RCOR1: variants seen among roughly 807,000 people sequenced by gnomAD.
RCOR1 encodes the protein REST corepressor.
In RCOR1, 12 loss-of-function variants were observed where a neutral mutation model predicts 64.0. That is an observed-to-expected ratio of 0.19 (90% confidence interval 0.12 to 0.30). The LOEUF is 0.30. RCOR1 is among the 10% of genes least tolerant of loss of function. RCOR1 has a pLI of 1.00. For synonymous variants in RCOR1, 279 were observed against 227.2 expected (o/e 1.23, Z -2.05); for missense variants, 502 against 621.2 (o/e 0.81, Z 2.04).
At chr14:102,703,211 G>C (rs1289420376) in intron 4 of RCOR1, among the ~76,000 whole-genome samples, 1 of 152,198 alleles carries the variant, frequency 6.6e-6, no homozygotes, top group Admixed American at 6.5e-5. Flanking sequence ...AGAGCCTAAG[G>C]TACCCTAGGG....
intron 2 of RCOR1, among the ~76,000 whole-genome samples, chr14:102,678,940 TG>T (rs1216296502): frequency 6.6e-6 from 1 of 152,218 alleles, no homozygotes; most frequent in Non-Finnish European, 1.5e-5. Context: ...GCGAAGTGAC[TG>T]TTCAAATCTT....
chr14:102,718,275 A>G (rs965199136), intron 8 of RCOR1, among the ~76,000 whole-genome samples: 4 of 152,084 alleles, frequency 2.6e-5, no homozygotes, highest in African/African-American at 4.8e-5. Flanking sequence ...TCAGGGCAGT[A>G]TGAAGAGGAG....
intron 2 of RCOR1, among the ~76,000 whole-genome samples, chr14:102,601,662 A>G (rs1475209351): frequency 6.6e-6 from 1 of 152,196 alleles, no homozygotes; most frequent in Non-Finnish European, 1.5e-5. Flanking sequence ...GTAGATTGTT[A>G]GAAGAGTCTG....
At chr14:102,619,487 T>TATCTAA (rs1567410248) in intron 2 of RCOR1, among the ~76,000 whole-genome samples, 18 of 56,830 alleles carry the variant, frequency 3.2e-4, no homozygotes, top group African/African-American at 1.2e-3. Context: ...TTTTTTTTTT[T>TATCTAA]TTTTTTTTTT....
chr14:102,597,018 GC>G (rs1443713917), intron 2 of RCOR1, among the ~76,000 whole-genome samples: 1 of 151,660 alleles, frequency 6.6e-6, no homozygotes, highest in Non-Finnish European at 1.5e-5. Context: ...AACTACAGGT[GC>G]GTGCCACCAT....
At chr14:102,647,765 G>A (rs1482575664) in intron 2 of RCOR1, among the ~76,000 whole-genome samples, 1 of 152,170 alleles carries the variant, frequency 6.6e-6, no homozygotes, top group South Asian at 2.1e-4. Context: ...TGCAGCCTCC[G>A]CCTCCCGGAT....
rs909664586 is a variant in RCOR1, at chr14:102,727,505, A to T, written c.*999A>T. ...TGCAGATTCTGACAGTGCAGATTTT[A>T]AATGTCAGGATATTAGAATAGCTGG... On this transcript the variant is annotated 3_prime_UTR_variant, in exon 12 of 12. Transcript: ENST00000262241. 6.6e-6 allele frequency: 1 copy of T among 152,326 alleles called. No individual in the cohort carries two copies. Among genetic ancestry groups the T allele is most frequent in the African/African-American group, 2.4e-5 (1 of 41,346 alleles). The allele number at this position is 152,326 out of a possible 1,614,324, so 9.4% of individuals were successfully genotyped here. A position where few individuals can be genotyped will look rare whatever the true frequency, so the allele number is the denominator to read the frequency against.
chr14:102,603,315 AT>A (rs201289257), intron 2 of RCOR1, among the ~76,000 whole-genome samples: 1,541 of 150,746 alleles, frequency 0.01, 16 homozygotes, highest in Admixed American at 0.015. Flanking sequence ...CTTTTTATTT[AT>A]TTTTTATTTG....
rs143950489 is a variant in RCOR1, at chr14:102,664,428, A to G, written c.362-17467A>G. Among the ~76,000 whole-genome samples, 266 of 152,236 alleles carry G rather than the reference A, an allele frequency of 1.7e-3. 2 individuals carry two copies. The highest frequency in any genetic ancestry group is 1.7e-3 in the Non-Finnish European group (113 of 68,002). Reference sequence around the variant, plus strand: ...CCATGCCTGGCTTTGAGCCAGTTCTAAGGGAAATTATTCATTTATTTTTGT... The same window carrying G: ...CCATGCCTGGCTTTGAGCCAGTTCTGAGGGAAATTATTCATTTATTTTTGT... On this transcript the variant is annotated intron_variant, in intron 2 of 11. Transcript: ENST00000262241.
At chr14:102,634,581 T>C (rs1396418686) in intron 2 of RCOR1, among the ~76,000 whole-genome samples, 1 of 150,576 alleles carries the variant, frequency 6.6e-6, no homozygotes, top group Non-Finnish European at 1.5e-5. Context: ...TTGACATCTT[T>C]CCACAACATG....
intron 2 of RCOR1, among the ~76,000 whole-genome samples, chr14:102,640,111 C>T (rs1286957457): frequency 6.6e-6 from 1 of 152,174 alleles, no homozygotes; most frequent in African/African-American, 2.4e-5. Context: ...TCCCAGAGTG[C>T]TGGGATGACA....
intron 2 of RCOR1, among the ~76,000 whole-genome samples, chr14:102,624,989 C>T (rs1035359122): frequency 3.3e-5 from 5 of 151,966 alleles, no homozygotes; most frequent in Admixed American, 3.3e-4. Flanking sequence ...CTTAGCCTCC[C>T]AAGTAGCTGG....
At chr14:102,616,244 G>A (rs1376230720) in intron 2 of RCOR1, among the ~76,000 whole-genome samples, 9 of 103,934 alleles carry the variant, frequency 8.7e-5, no homozygotes, top group African/African-American at 2.5e-4. Flanking sequence ...GTGTGTGTGT[G>A]TGTGTATGTG....
intron 2 of RCOR1, among the ~76,000 whole-genome samples, chr14:102,633,704 T>A (rs1894174130): frequency 6.6e-6 from 1 of 152,102 alleles, no homozygotes; most frequent in Non-Finnish European, 1.5e-5. Flanking sequence ...CACGCCCGGC[T>A]AACTTTGTAT....
chr14:102,686,647 T>G (rs1490020270), intron 3 of RCOR1, among the ~76,000 whole-genome samples: 1 of 152,232 alleles, frequency 6.6e-6, no homozygotes, highest in African/African-American at 2.4e-5. Flanking sequence ...TTACTGTTTC[T>G]GTAGAATGCC....
At chr14:102,632,883 C>A (rs913160648) in intron 2 of RCOR1, among the ~76,000 whole-genome samples, 1 of 150,650 alleles carries the variant, frequency 6.6e-6, no homozygotes. Context: ...GTGATTATAG[C>A]CCCCTGCAGC....
At chr14:102,601,582 A>G (rs1285079607) in intron 2 of RCOR1, among the ~76,000 whole-genome samples, 1 of 152,210 alleles carries the variant, frequency 6.6e-6, no homozygotes, top group African/African-American at 2.4e-5. Flanking sequence ...GGAAGGAATG[A>G]TGATTAATGA....
chr14:102,607,211 G>A (rs1025231782), intron 2 of RCOR1, among the ~76,000 whole-genome samples: 1 of 152,122 alleles, frequency 6.6e-6, no homozygotes, highest in African/African-American at 2.4e-5. Flanking sequence ...GGGATTATAG[G>A]CGTGAGCCAC....
chr14:102,714,459 G>GA lies in RCOR1; in HGVS notation c.900dup (p.His301ThrfsTer2). On this transcript the variant is annotated frameshift_variant, in exon 8 of 12. Coordinates refer to ENST00000262241, the MANE Select transcript of RCOR1 (RefSeq NM_015156.4). LOFTEE classifies it high-confidence loss of function. ...TGAGACAGTTCCTCAGGTCAAAAAA[G>GA]AAAAACATAGCACACAAGCTAAAAA... The GA allele has an allele frequency of 6.2e-7, 1 of 1,612,272 alleles. No individual in the cohort carries two copies. Among genetic ancestry groups the GA allele is most frequent in the Non-Finnish European group, 8.5e-7 (1 of 1,178,986 alleles).
Sources: gnomAD v4.1 joint callset for allele counts (sites outside exome capture counted in the v4.1 genomes callset) on GRCh38, gnomAD v4.1.1 for gene constraint, MANE v1.5 for transcripts, NCBI Gene and HGNC (gene_info 2026-07-23, HGNC 2026-07-21) for gene names.